The following TTC7A variants were observed in gnomAD, a reference collection of about 807,000 sequenced individuals.
TTC7A encodes tetratricopeptide repeat protein 7A.
In TTC7A, 110 loss-of-function variants were observed where a neutral mutation model predicts 103.7. That is an observed-to-expected ratio of 1.06 (90% CI 0.91 to 1.24). The LOEUF (loss-of-function observed/expected upper bound fraction) is 1.24, where lower values mean the gene tolerates loss of function less well. TTC7A is among the 50% of genes most tolerant of loss of function. The pLI is 0.00. For missense variants in TTC7A, 1,340 were observed against 1,116.3 expected, an observed-to-expected ratio of 1.20 and a Z score of -2.86; for synonymous variants, 521 against 467.9, an observed-to-expected ratio of 1.11 and a Z score of -1.47.
At chr2:46,997,498 C>T (rs554042867) in intron 8 of TTC7A, among the ~76,000 whole-genome samples, 30 of 152,302 alleles carry the variant, frequency 2.0e-4, no homozygotes, top group Non-Finnish European at 3.8e-4. Flanking sequence ...CAGTCTAATA[C>T]TGTATGTTCC....
chr2:47,059,697 G>A lies in TTC7A; in HGVS notation c.2153-1072G>A, dbSNP rs551201584. 6.2e-4 allele frequency among the ~76,000 whole-genome samples: 94 copies of A among 152,294 alleles called. 1 individual carries two copies. The South Asian group carries it at 0.019, about 31-fold the overall frequency. On this transcript the variant is annotated intron_variant, in intron 18 of 19. Transcript: ENST00000319190. Reference sequence around the variant, plus strand: ...AAGGAACACTGAAAAAGAGGCTGGAGTCACCTGAGCAAGCTCTTAGCTCAG... The same window carrying A: ...AAGGAACACTGAAAAAGAGGCTGGAATCACCTGAGCAAGCTCTTAGCTCAG...
Position 47,024,335 on chromosome 2 carries a change from G to A in TTC7A, c.1617G>A (p.Ser539=), listed in dbSNP as rs112085853. ...ACCCCCAGGTCATCCTCTATGTCTC[G>A]CTGCAGCTGGCCCTCGTCCGACAGG... The part of the protein sequence containing the change: ...PSDPQVILYV[S]LQLALVRQIS... The change falls in exon 14 of 20, where the codon TCG becomes TCA. Residue 539 remains serine (S), a synonymous_variant. Transcript: ENST00000319190. The A allele has an allele frequency of 3.4e-4, 554 of 1,607,124 alleles. 1 individual carries two copies. In the African/African-American group the frequency reaches 6.3e-3, roughly 18 times the overall value.
intron 15 of TTC7A, among the ~76,000 whole-genome samples, chr2:47,041,840 G>A (rs1681786247): frequency 6.6e-6 from 1 of 151,998 alleles, no homozygotes; most frequent in African/African-American, 2.4e-5. Flanking sequence ...AGTAGGGGAA[G>A]GGAAAATGGC....
intron 5 of TTC7A, among the ~76,000 whole-genome samples, chr2:46,992,847 C>T (rs1248476689): frequency 2.6e-5 from 4 of 152,182 alleles, no homozygotes; most frequent in Admixed American, 6.5e-5. Flanking sequence ...CGAGAAACTT[C>T]GGTTTTATGT....
chr2:46,945,165 C>G (rs1422690365), intron 1 of TTC7A, among the ~76,000 whole-genome samples: 2 of 151,860 alleles, frequency 1.3e-5, no homozygotes, highest in East Asian at 3.9e-4. Flanking sequence ...CAAGGTCTTA[C>G]TCTCATAGTT....
In TTC7A at chr2:47,068,144, C is replaced by G. The variant is rs567056744; in HGVS notation, c.2356-5558C>G. On this transcript the variant is annotated intron_variant, in intron 19 of 19. Coordinates refer to ENST00000319190, the MANE Select transcript of TTC7A (RefSeq NM_020458.4). ...GTGGCAGGCTCCGGGGAGGCCCTGA[C>G]CTACCGCCATGCCGGTTCAGCATCT... 1.5e-3 allele frequency: 236 copies of G among 152,278 alleles called. 1 individual carries two copies. The highest frequency in any genetic ancestry group is 5.2e-3 in the African/African-American group (216 of 41,466). The allele number at this position is 152,278 out of a possible 1,614,324, so 9.4% of individuals were successfully genotyped here.
At chr2:47,030,342 TCCCA>T (rs1272184665) in intron 15 of TTC7A, among the ~76,000 whole-genome samples, 17 of 152,162 alleles carry the variant, frequency 1.1e-4, no homozygotes, top group South Asian at 4.1e-4. Flanking sequence ...CTAGGGAGGT[TCCCA>T]TCACTGGGCT....
intron 11 of TTC7A, among the ~76,000 whole-genome samples, chr2:47,016,755 A>G (rs1678698529): frequency 6.6e-6 from 1 of 152,208 alleles, no homozygotes; most frequent in Non-Finnish European, 1.5e-5. Flanking sequence ...AAGTGTCTGG[A>G]AAGGGCACAT....
upstream of TTC7A, among the ~76,000 whole-genome samples, chr2:46,940,762 C>T (rs1480969238): frequency 2.0e-5 from 3 of 152,218 alleles, no homozygotes; most frequent in African/African-American, 4.8e-5. The surrounding 1 kb of genome is among the most constrained non-coding windows in gnomAD (Gnocchi z 4.7). Flanking sequence ...TGGGTCCTCG[C>T]GAGCATGCCT....
chr2:46,960,145 C>T (rs1327138900), intron 3 of TTC7A, among the ~76,000 whole-genome samples: 1 of 152,174 alleles, frequency 6.6e-6, no homozygotes, highest in Non-Finnish European at 1.5e-5. Flanking sequence ...CTCTTGGTAG[C>T]ACCTGGGAGG....
At chr2:47,021,700 G>T (rs1679301459) in intron 11 of TTC7A, among the ~76,000 whole-genome samples, 162 bp from the exon 12 acceptor site, 1 of 152,236 alleles carries the variant, frequency 6.6e-6, no homozygotes, top group Non-Finnish European at 1.5e-5. Context: ...ACAAAATTTG[G>T]GGAGCTGGGA....
At chr2:47,000,400 A>T (rs1234245708) in intron 8 of TTC7A, among the ~76,000 whole-genome samples, 2 of 152,184 alleles carry the variant, frequency 1.3e-5, no homozygotes, top group Non-Finnish European at 2.9e-5. Flanking sequence ...GGGTCTGATA[A>T]CACTGCCAGC....
At chr2:46,973,502 C>T (rs964370355) in intron 3 of TTC7A, among the ~76,000 whole-genome samples, 11 of 152,182 alleles carry the variant, frequency 7.2e-5, no homozygotes, top group South Asian at 2.1e-4. Flanking sequence ...CGCAGGTTGC[C>T]GGTTGAGGTG....
chr2:46,975,152 T>C (rs376482399), intron 4 of TTC7A, 49 bp downstream of exon 4: 268 of 1,606,042 alleles, frequency 1.7e-4, no homozygotes, highest in Non-Finnish European at 2.2e-4. Flanking sequence ...ATTGAGCACC[T>C]ATGTCTATGG....
At chr2:47,025,879 G>T (rs192032355) in intron 14 of TTC7A, among the ~76,000 whole-genome samples, 3 of 152,268 alleles carry the variant, frequency 2.0e-5, no homozygotes, top group Admixed American at 2.0e-4. Context: ...CCCTCCAGGA[G>T]CATCCCTCCC....
At chr2:47,065,296 A>G (rs1416320838) in intron 19 of TTC7A, among the ~76,000 whole-genome samples, 2 of 152,234 alleles carry the variant, frequency 1.3e-5, no homozygotes, top group Non-Finnish European at 2.9e-5. Context: ...CAAAAAGGAA[A>G]AAAATGAGGT....
chr2:46,996,350 A>G (rs1026531164), intron 8 of TTC7A, among the ~76,000 whole-genome samples: 1 of 152,200 alleles, frequency 6.6e-6, no homozygotes, highest in Non-Finnish European at 1.5e-5. Flanking sequence ...TTTTTAAAAA[A>G]ACGACGCATC....
intron 7 of TTC7A, among the ~76,000 whole-genome samples, chr2:46,994,728 G>C (rs759360190): frequency 1.3e-5 from 2 of 152,214 alleles, no homozygotes; most frequent in Non-Finnish European, 2.9e-5. Flanking sequence ...GGCACTCGGA[G>C]ACCAAAGAAA....
intron 3 of TTC7A, among the ~76,000 whole-genome samples, chr2:46,966,881 C>G (rs1672901470): frequency 1.4e-5 from 2 of 144,092 alleles, no homozygotes; most frequent in Admixed American, 7.5e-5. Context: ...ATACAGAAGC[C>G]AAATTGCCTG....
Sources: gnomAD v4.1 joint callset for allele counts (sites outside exome capture counted in the v4.1 genomes callset) on GRCh38, gnomAD v4.1.1 for gene constraint, Gnocchi (gnomAD v3.1) non-coding constraint, MANE v1.5 for transcripts, NCBI Gene and HGNC (gene_info 2026-07-23, HGNC 2026-07-21) for gene names.